The following NGF variants were observed in gnomAD, a reference collection of about 807,000 sequenced individuals.
The protein encoded by NGF is beta-nerve growth factor.
A neutral mutation model predicts 12.8 loss-of-function variants in NGF; 4 were observed. The ratio of observed to expected loss-of-function variants is 0.31; its 90% CI spans 0.15 to 0.72. The LOEUF (loss-of-function observed/expected upper bound fraction) is 0.72. Ranked by LOEUF, NGF falls within the 30% of genes least tolerant of loss-of-function variation. NGF has a pLI of 0.69. For missense variants in NGF, 283 were observed against 330.8 expected, an observed-to-expected ratio of 0.86 and a Z score of 1.12; for synonymous variants, 140 against 130.0, an observed-to-expected ratio of 1.08 and a Z score of -0.52.
At chr1:115,333,714 T>TTTCTTTCTTTC (rs1553239126) in intron 1 of NGF, among the ~76,000 whole-genome samples, 1 of 51,104 alleles carries the variant, frequency 2.0e-5, no homozygotes, top group African/African-American at 1.8e-4. Context: ...TCTTTCTTTC[T>TTTCTTTCTTTC]TTTCTTTCTT....
intron 1 of NGF, among the ~76,000 whole-genome samples, chr1:115,319,361 A>G (rs1654555216): frequency 6.6e-6 from 1 of 152,082 alleles, no homozygotes; most frequent in South Asian, 2.1e-4. Flanking sequence ...ACACACACCC[A>G]CAAACACATG....
chr1:115,337,741 G>A (rs1370572606), intron 1 of NGF, among the ~76,000 whole-genome samples: 1 of 152,096 alleles, frequency 6.6e-6, no homozygotes, highest in Non-Finnish European at 1.5e-5. Context: ...TCCCTACTCG[G>A]CGCTCACCTC....
chr1:115,315,402 A>T (rs1654449990), intron 1 of NGF, among the ~76,000 whole-genome samples: 1 of 152,216 alleles, frequency 6.6e-6, no homozygotes, highest in Non-Finnish European at 1.5e-5. Context: ...GAAGTGGGAT[A>T]TATTGGAGGA....
intron 1 of NGF, among the ~76,000 whole-genome samples, chr1:115,295,991 G>T (rs1653855624): frequency 6.6e-6 from 1 of 152,208 alleles, no homozygotes; most frequent in Non-Finnish European, 1.5e-5. Context: ...AACATTTAAA[G>T]TACAGTGTGA....
chr1:115,326,672 T>G (rs1654787052), intron 1 of NGF, among the ~76,000 whole-genome samples: 1 of 152,130 alleles, frequency 6.6e-6, no homozygotes, highest in South Asian at 2.1e-4. Context: ...TTTATGTGAG[T>G]GCATCTACAT....
chr1:115,295,758 G>A (rs1451050458), intron 1 of NGF, among the ~76,000 whole-genome samples: 3 of 152,064 alleles, frequency 2.0e-5, no homozygotes, highest in Non-Finnish European at 4.4e-5. Context: ...CCGTGACTTT[G>A]AATGTTTTCC....
rs908616029 is a variant in NGF, at chr1:115,320,062, A to G, written c.-137+18142T>C. Among the ~76,000 whole-genome samples, 162 of 152,204 alleles carry G rather than the reference A, an allele frequency of 1.1e-3. 1 individual carries two copies. The highest frequency in any genetic ancestry group is 3.8e-3 in the African/African-American group (159 of 41,452). Reference sequence around the variant, plus strand: ...CTGAAATAAACAGCCCCAAGGTCCAAGTCACTTGTTGACAGTGCCTTTCTG... The same window carrying G: ...CTGAAATAAACAGCCCCAAGGTCCAGGTCACTTGTTGACAGTGCCTTTCTG... On this transcript the variant is annotated intron_variant, in intron 1 of 2. Coordinates refer to ENST00000369512, the MANE Select transcript of NGF (RefSeq NM_002506.3).
intron 1 of NGF, among the ~76,000 whole-genome samples, chr1:115,296,215 G>T (rs1273946341): frequency 1.3e-5 from 2 of 152,152 alleles, no homozygotes; most frequent in African/African-American, 4.8e-5. Context: ...AGAGGAGTAG[G>T]GGAGGGGAGA....
intron 1 of NGF, among the ~76,000 whole-genome samples, chr1:115,305,129 A>G (rs185392195): frequency 1.3e-5 from 2 of 152,360 alleles, no homozygotes; most frequent in Non-Finnish European, 1.5e-5. Flanking sequence ...GTCCATTAGC[A>G]TAAACTGTGG....
At chr1:115,306,914 T>C (rs571022827) in intron 1 of NGF, among the ~76,000 whole-genome samples, 3 of 152,310 alleles carry the variant, frequency 2.0e-5, no homozygotes, top group Admixed American at 1.3e-4. Flanking sequence ...CTATCACCAC[T>C]GGGCACTATG....
chr1:115,330,398 C>A (rs1212617967), intron 1 of NGF, among the ~76,000 whole-genome samples: 1 of 152,180 alleles, frequency 6.6e-6, no homozygotes, highest in African/African-American at 2.4e-5. Context: ...CTAAAGAAGT[C>A]ATCTGTTCTG....
chr1:115,290,991 C>G (rs1173343377), intron 2 of NGF, among the ~76,000 whole-genome samples: 1 of 152,198 alleles, frequency 6.6e-6, no homozygotes, highest in African/African-American at 2.4e-5. Context: ...TGCCTTGCAT[C>G]TGCTGGTTTG....
chr1:115,322,620 G>A (rs1056966060), intron 1 of NGF, among the ~76,000 whole-genome samples: 5 of 152,172 alleles, frequency 3.3e-5, no homozygotes, highest in Admixed American at 1.3e-4. Context: ...AGCTAGCAAG[G>A]GAAGACTGGT....
At chr1:115,337,267 G>GTTTGTTGTTTTTTTTT in intron 1 of NGF, among the ~76,000 whole-genome samples, 1 of 81,030 alleles carries the variant, frequency 1.2e-5, no homozygotes, top group African/African-American at 5.3e-5. Flanking sequence ...TTTTGTTTTT[G>GTTTGTTGTTTTTTTTT]TTTTTTTTTT....
At chr1:115,306,716 T>C (rs140089319) in intron 1 of NGF, among the ~76,000 whole-genome samples, 22 of 152,308 alleles carry the variant, frequency 1.4e-4, no homozygotes, top group African/African-American at 5.1e-4. Flanking sequence ...CCATTGCCTC[T>C]AGAAACTCTC....
intron 1 of NGF, among the ~76,000 whole-genome samples, chr1:115,318,906 G>A (rs74922599): frequency 0.022 from 3,346 of 152,302 alleles, 60 homozygotes; most frequent in African/African-American, 0.028. Flanking sequence ...TTGGGTGGAA[G>A]CTTCCTGGAG....
chr1:115,315,747 A>T (rs1028995870), intron 1 of NGF, among the ~76,000 whole-genome samples: 3 of 152,192 alleles, frequency 2.0e-5, no homozygotes, highest in African/African-American at 7.2e-5. Context: ...ATGTAGTAGC[A>T]TTGGGACTTG....
At chr1:115,326,676 T>C (rs74829170) in intron 1 of NGF, among the ~76,000 whole-genome samples, 2,266 of 152,176 alleles carry the variant, frequency 0.015, 36 homozygotes, top group Non-Finnish European at 0.02. Context: ...TGTGAGTGCA[T>C]CTACATCTGC....
intron 1 of NGF, among the ~76,000 whole-genome samples, chr1:115,334,164 C>T (rs756679753): frequency 6.6e-6 from 1 of 152,048 alleles, no homozygotes; most frequent in Admixed American, 6.6e-5. Flanking sequence ...GTCACGTTAT[C>T]AATTCTCATT....
Sources: allele counts gnomAD v4.1 joint callset (sites outside exome capture counted in the v4.1 genomes callset), GRCh38; gene constraint gnomAD v4.1.1; transcripts MANE v1.5; gene names NCBI Gene and HGNC (gene_info 2026-07-23, HGNC 2026-07-21).